SLC2A7: variants seen among roughly 807,000 people sequenced by gnomAD.
SLC2A7 encodes the protein solute carrier family 2 member 7, also known as solute carrier family 2, facilitated glucose transporter member 7.
In SLC2A7, 50 loss-of-function variants were observed where a neutral mutation model predicts 50.5. The observed-to-expected ratio is 0.99, with a 90% CI of 0.79 to 1.25. SLC2A7 has a LOEUF of 1.25. SLC2A7 is among the 50% of genes most tolerant of loss of function. The pLI is 0.00. For synonymous variants in SLC2A7, 308 were observed against 300.4 expected, an observed-to-expected ratio of 1.03 and a Z score of -0.26; for missense variants, 683 against 679.1, an observed-to-expected ratio of 1.01 and a Z score of -0.06.
chr1:8,992,595 A>G, the SLC2A7 span, among the ~76,000 whole-genome samples: 1 of 151,358 alleles, frequency 6.6e-6, no homozygotes, highest in East Asian at 1.9e-4. Context: ...TTGTTCTCTA[A>G]TGAACTATTT....
Position 9,015,142 on chromosome 1 carries a change from T to C in SLC2A7, c.690A>G (p.Lys230=). Residue 230 remains lysine (K), a synonymous_variant, in exon 6 of 12, where the codon AAA becomes AAG. Transcript: ENST00000400906. ...CTTGTCGCGCTGTGGCTTCATCTCC[T>C]TTCTGAATCAGGGAGTAGCGGGGGC... is the stretch of plus-strand genomic sequence containing the variant. ...PESPRYSLIQ[K]GDEATARQAL... 6.2e-7 allele frequency: 1 copy of C among 1,613,486 alleles called. No individual in the cohort carries two copies. Among genetic ancestry groups the C allele is most frequent in the Admixed American group, 1.7e-5 (1 of 59,934 alleles).
intron 9 of SLC2A7, among the ~76,000 whole-genome samples, chr1:9,009,464 T>C (rs1470818200): frequency 1.3e-5 from 2 of 152,184 alleles, no homozygotes; most frequent in Non-Finnish European, 2.9e-5. Flanking sequence ...TTTTGTTTTG[T>C]TTTTTCTTTT....
In SLC2A7 at chr1:9,003,419, A is replaced by T. The variant is rs146720870; in HGVS notation, c.1420T>A (p.Phe474Ile). The change falls in exon 12 of 12, where the codon TTT (phenylalanine) becomes ATT (isoleucine). Residue 474 changes from phenylalanine to isoleucine, a missense_variant. Phe to Ile is a conservative substitution (Grantham distance 21). Transcript: ENST00000400906. ...GCAAAAATGCGGTTTATCTCCACAA[A>T]TGTTTTGCCCTTGGTCTCCGGAATA... is the stretch of plus-strand genomic sequence containing the variant. Reference protein sequence around the residue: ...VVIPETKGKTFVEINRIFAKR... With the variant: ...VVIPETKGKTIVEINRIFAKR... 1,025 of 1,614,030 alleles carry T rather than the reference A, an allele frequency of 6.4e-4. 1 individual carries two copies. Among genetic ancestry groups the T allele is most frequent in the Non-Finnish European group, 8.1e-4 (956 of 1,180,042 alleles).
intron 3 of SLC2A7, 81 bp from the exon 4 acceptor site, chr1:9,019,414 C>A: frequency 6.4e-7 from 1 of 1,570,294 alleles, no homozygotes; most frequent in Non-Finnish European, 8.6e-7. Flanking sequence ...ATTCTGCGGG[C>A]AGTCACTACA....
intron 6 of SLC2A7, 66 bp downstream of exon 6, chr1:9,015,051 C>T: frequency 6.3e-7 from 1 of 1,598,528 alleles, no homozygotes; most frequent in Non-Finnish European, 8.5e-7. Flanking sequence ...GACTGTGGCC[C>T]TGACCGTGTC....
intron 1 of SLC2A7, among the ~76,000 whole-genome samples, chr1:9,025,971 G>A (rs1029208868): frequency 6.6e-6 from 1 of 152,238 alleles, no homozygotes; most frequent in Admixed American, 6.5e-5. Flanking sequence ...AGAAGGGCAG[G>A]ATTCGGGCAT....
At chr1:8,997,062 G>A in the SLC2A7 span, among the ~76,000 whole-genome samples, 229 of 152,262 alleles carry the variant, frequency 1.5e-3, no homozygotes, top group Non-Finnish European at 2.2e-3. Context: ...ACAGGTGTGA[G>A]CCACTGCACC....
chr1:9,012,106 G>C (rs1640758843), intron 8 of SLC2A7, among the ~76,000 whole-genome samples: 2 of 152,038 alleles, frequency 1.3e-5, no homozygotes, highest in African/African-American at 2.4e-5. Flanking sequence ...GCTGACCAGA[G>C]CCGGCCCTGT....
intron 1 of SLC2A7, 65 bp downstream of exon 1, chr1:9,026,230 C>A (rs1029611152): frequency 2.6e-6 from 4 of 1,545,114 alleles, no homozygotes; most frequent in East Asian, 2.3e-5. Flanking sequence ...GCCTTCACCT[C>A]CCTCCACAGG....
At chr1:9,023,838 CTTTTTT>C (rs1162143987) in intron 2 of SLC2A7, among the ~76,000 whole-genome samples, 1 of 17,166 alleles carries the variant, frequency 5.8e-5, no homozygotes, top group Non-Finnish European at 9.8e-5. Flanking sequence ...TATTCTTCTT[CTTTTTT>C]TTTTTTTTTT....
At chr1:9,012,029 C>T (rs1280173236) in intron 8 of SLC2A7, among the ~76,000 whole-genome samples, 1 of 152,116 alleles carries the variant, frequency 6.6e-6, no homozygotes, top group African/African-American at 2.4e-5. Context: ...GAATTACAGG[C>T]ATGAGCCACC....
At chr1:9,001,419 ATT>A (rs767748961), downstream of SLC2A7, among the ~76,000 whole-genome samples, 30 of 124,244 alleles carry the variant, frequency 2.4e-4, no homozygotes, top group Admixed American at 3.4e-4. Context: ...TGCAGGTGCT[ATT>A]TTTTTTTTTT....
At chr1:9,003,945 T>C (rs1052431594) in intron 11 of SLC2A7, among the ~76,000 whole-genome samples, 2 of 151,910 alleles carry the variant, frequency 1.3e-5, no homozygotes, top group African/African-American at 4.8e-5. Context: ...AAGGAGTTGC[T>C]TGGCAGCCAG....
At chr1:8,996,284 C>T in the SLC2A7 span, among the ~76,000 whole-genome samples, 123 of 152,326 alleles carry the variant, frequency 8.1e-4, no homozygotes, top group African/African-American at 2.6e-3. Context: ...TAGGCACTTT[C>T]GGAGGGTCTT....
At chr1:9,010,746 A>G (rs1189474293) in intron 8 of SLC2A7, among the ~76,000 whole-genome samples, 1 of 152,148 alleles carries the variant, frequency 6.6e-6, no homozygotes, top group East Asian at 1.9e-4. Context: ...GCTCTTCACC[A>G]CCACCCTTCC....
chr1:9,008,034 C>T lies in SLC2A7; in HGVS notation c.1117-649G>A, dbSNP rs941944358. Among the ~76,000 whole-genome samples the T allele has an allele frequency of 2.0e-5, 3 of 152,048 alleles. No individual in the cohort carries two copies. Among genetic ancestry groups the T allele is most frequent in the Non-Finnish European group, 2.9e-5 (2 of 68,010 alleles). On this transcript the variant is annotated intron_variant, in intron 9 of 11. Transcript: ENST00000400906. The surrounding 1 kb of genome is among the most constrained non-coding windows in gnomAD (Gnocchi z 5.9). ...CAGTCAACATGAGTGAGCTGAGGTC[C>T]GGACTTTCTCTACCATTCTCTGGAG... is the stretch of plus-strand genomic sequence containing the variant.
At chr1:9,024,883 T>C (rs1640971443) in intron 2 of SLC2A7, 93 bp downstream of exon 2, 10 of 1,418,082 alleles carry the variant, frequency 7.1e-6, no homozygotes, top group African/African-American at 1.4e-5. Context: ...ACAGGCAAGA[T>C]GGCAGCCTCC....
rs1402488013 is a variant in SLC2A7 at position 9,008,856 on chromosome 1, A to G, written c.1116+1287T>C. Among the ~76,000 whole-genome samples the G allele has an allele frequency of 6.6e-6, 1 of 152,214 alleles. No individual in the cohort carries two copies. Among genetic ancestry groups the G allele is most frequent in the Non-Finnish European group, 1.5e-5 (1 of 68,028 alleles). Reference sequence around the variant, plus strand: ...GGTGATCCACCCGCTTTGGCTTCCCAAAGTGCTGGGATTACAGGTGTGAGC... The same window carrying G: ...GGTGATCCACCCGCTTTGGCTTCCCGAAGTGCTGGGATTACAGGTGTGAGC... On this transcript the variant is annotated intron_variant, in intron 9 of 11. Transcript: ENST00000400906. This position sits in a 1 kb window ranked among gnomAD's most constrained non-coding sequence, Gnocchi z 5.9.
At chr1:9,020,064 T>C (rs759298196) in intron 3 of SLC2A7, among the ~76,000 whole-genome samples, 1 of 152,210 alleles carries the variant, frequency 6.6e-6, no homozygotes, top group Non-Finnish European at 1.5e-5. Context: ...AGAAGATAAA[T>C]GTCTGTTGTT....
Sources: allele counts gnomAD v4.1 joint callset (sites outside exome capture counted in the v4.1 genomes callset), GRCh38; gene constraint gnomAD v4.1.1; non-coding constraint Gnocchi (gnomAD v3.1); transcripts MANE v1.5; gene names NCBI Gene and HGNC (gene_info 2026-07-23, HGNC 2026-07-21).